ABCC9: variants seen among roughly 807,000 people sequenced by gnomAD.
The protein encoded by ABCC9 is ATP-binding cassette sub-family C member 9.
Under a neutral mutation model 188.3 loss-of-function variants are expected in ABCC9, and 95 were observed. The observed-to-expected ratio is 0.50, with a 90% CI of 0.43 to 0.60. The LOEUF is 0.60. ABCC9 is among the 20% of genes least tolerant of loss of function. ABCC9 has a pLI of 0.00. For missense variants in ABCC9, 1,102 were observed against 1,876.3 expected (o/e 0.59, Z 7.62); for synonymous variants, 659 against 652.7 (o/e 1.01, Z -0.15).
intron 33 of ABCC9, 90 bp from the exon 34 acceptor site, chr12:21,815,983 A>C: frequency 1.4e-6 from 1 of 707,882 alleles, no homozygotes; most frequent in Non-Finnish European, 2.0e-6. Context: ...ACATTTATAC[A>C]TATATATATA....
At chr12:21,887,777 T>C (rs771186155) in intron 15 of ABCC9, 49 bp downstream of exon 15, 4 of 1,172,018 alleles carry the variant, frequency 3.4e-6, no homozygotes, top group Non-Finnish European at 2.6e-6. Flanking sequence ...TCCATTCTGC[T>C]GAGACTGTCC....
intron 14 of ABCC9, among the ~76,000 whole-genome samples, chr12:21,890,027 G>T (rs1187552541): frequency 6.6e-6 from 1 of 152,108 alleles, no homozygotes; most frequent in Non-Finnish European, 1.5e-5. Context: ...TTCATCTTTA[G>T]AATCTATCCC....
chr12:21,929,765 T>C (rs568330275), intron 4 of ABCC9, among the ~76,000 whole-genome samples: 1 of 152,234 alleles, frequency 6.6e-6, no homozygotes, highest in South Asian at 2.1e-4. Flanking sequence ...TGTGTTATCA[T>C]TCCTCTTTCT....
At position 21,837,194 on chromosome 12, in the gene ABCC9, C is replaced by T. The variant is rs186477678; in HGVS notation, c.3566+884G>A. ...ATTCAATGCCAATAAATAATTTTGA[C>T]ATCTCCAATAAAAGGAATTGCACAT... On this transcript the variant is annotated intron_variant, in intron 30 of 39. Transcript: ENST00000261200. Among the ~76,000 whole-genome samples the T allele has an allele frequency of 3.4e-3, 511 of 152,202 alleles. 4 individuals are homozygous for T. The highest frequency in any genetic ancestry group is 0.012 in the African/African-American group (482 of 41,524).
At chr12:21,824,070 A>G (rs938404719) in intron 31 of ABCC9, among the ~76,000 whole-genome samples, 1 of 152,244 alleles carries the variant, frequency 6.6e-6, no homozygotes, top group Admixed American at 6.5e-5. Flanking sequence ...AGGAAAAATC[A>G]TGATTGTCTT....
chr12:21,920,101 A>G (rs1364445921), intron 5 of ABCC9, among the ~76,000 whole-genome samples: 1 of 152,050 alleles, frequency 6.6e-6, no homozygotes, highest in Non-Finnish European at 1.5e-5. Flanking sequence ...TAGGCAAATA[A>G]AGGTCTGCTA....
rs774065757 is a variant in ABCC9, at chr12:21,809,837, A to G, written c.4315+15T>C. The G allele has an allele frequency of 2.0e-6, 3 of 1,475,534 alleles. No homozygotes were observed. Among genetic ancestry groups the G allele is most frequent in the East Asian group, 2.3e-5 (1 of 44,166 alleles). The allele number at this position is 1,475,534 out of a possible 1,614,324, so 91.4% of individuals were successfully genotyped here. A position where few individuals can be genotyped will look rare whatever the true frequency, so the allele number is the denominator to read the frequency against. On this transcript the variant is annotated intron_variant, in intron 37 of 39. Coordinates refer to ENST00000261200, the MANE Select transcript of ABCC9 (RefSeq NM_020297.4). The stretch of plus-strand genomic sequence containing the variant: ...GGCATATATAAAAAATAAATATGCT[A>G]TTTAGGAAATATACCTAGACCTCCA...
intron 16 of ABCC9, among the ~76,000 whole-genome samples, chr12:21,881,698 C>G (rs557342400): frequency 4.5e-4 from 46 of 103,022 alleles, no homozygotes; most frequent in Admixed American, 2.0e-3. Context: ...TTATAATCGC[C>G]TAGGGAACAA....
chr12:21,856,030 A>G (rs1039954726), intron 22 of ABCC9, among the ~76,000 whole-genome samples: 1 of 152,196 alleles, frequency 6.6e-6, no homozygotes, highest in African/African-American at 2.4e-5. Context: ...TAGTAATAAC[A>G]ACAATAATGT....
At chr12:21,806,111 A>G (rs762381824) in intron 38 of ABCC9, 51 bp from the exon 39 acceptor site, 3 of 1,533,604 alleles carry the variant, frequency 2.0e-6, no homozygotes, top group East Asian at 4.5e-5. Context: ...TGTCATCATA[A>G]TATTTTGCCC....
chr12:21,923,652 A>G (rs953662551), intron 5 of ABCC9: 8 of 555,064 alleles, frequency 1.4e-5, no homozygotes, highest in Non-Finnish European at 1.9e-5. Context: ...TGGAACTGGA[A>G]CTCTTACACC....
chr12:21,863,196 T>C (rs144401867), intron 19 of ABCC9, 142 bp from the exon 20 acceptor site: 11 of 631,592 alleles, frequency 1.7e-5, no homozygotes, highest in Middle Eastern at 4.3e-4. Flanking sequence ...GAGAAAAATT[T>C]AAAGACCACC....
intron 38 of ABCC9, 111 bp from the exon 39 acceptor site, chr12:21,806,171 T>A: frequency 1.0e-6 from 1 of 961,200 alleles, no homozygotes; most frequent in Non-Finnish European, 1.6e-6. Context: ...TCTCAATCCC[T>A]CATTTTCTGT....
intron 14 of ABCC9, among the ~76,000 whole-genome samples, chr12:21,890,305 A>T (rs1469819871): frequency 1.3e-5 from 2 of 152,134 alleles, no homozygotes; most frequent in Non-Finnish European, 2.9e-5. Flanking sequence ...CATCTTTAGC[A>T]TCGTCTAAAA....
chr12:21,799,779 T>C lies in ABCC9; in HGVS notation c.*1265A>G, dbSNP rs1941344990. ...GATCTTCATATGAAAAAGAAATCAATGATATTGACACTGGATGGGCACAGA... is the reference window on the plus strand; with the variant it reads ...GATCTTCATATGAAAAAGAAATCAACGATATTGACACTGGATGGGCACAGA... On this transcript the variant is annotated 3_prime_UTR_variant, in exon 40 of 40. Coordinates refer to ENST00000261200, the MANE Select transcript of ABCC9 (RefSeq NM_020297.4). 6.6e-6 allele frequency: 1 copy of C among 152,156 alleles called. No individual in the cohort carries two copies. Among genetic ancestry groups the C allele is most frequent in the Non-Finnish European group, 1.5e-5 (1 of 68,028 alleles). 9.4% of individuals were successfully genotyped at this position (152,156 alleles called of 1,614,324 possible).
intron 12 of ABCC9, among the ~76,000 whole-genome samples, chr12:21,901,341 G>T (rs534672665): frequency 2.0e-5 from 3 of 152,150 alleles, no homozygotes; most frequent in South Asian, 4.2e-4. Context: ...TACCAGCCAC[G>T]GCAAAAACAT....
chr12:21,814,614 G>A, intron 35 of ABCC9, 30 bp downstream of exon 35: 1 of 1,570,830 alleles, frequency 6.4e-7, no homozygotes, highest in Non-Finnish European at 8.8e-7. Flanking sequence ...GCACCAAGTG[G>A]CCACTTAAAA....
At chr12:21,910,012 C>A (rs1948243237) in intron 10 of ABCC9, 145 bp downstream of exon 10, 2 of 777,248 alleles carry the variant, frequency 2.6e-6, no homozygotes, top group South Asian at 3.5e-5. Flanking sequence ...TATAACATTT[C>A]TGAGTCCCAG....
intron 30 of ABCC9, among the ~76,000 whole-genome samples, chr12:21,830,426 G>A (rs1208193883): frequency 6.6e-6 from 1 of 152,178 alleles, no homozygotes; most frequent in African/African-American, 2.4e-5. Context: ...CCATCTATGG[G>A]TTATGTTTGC....
Sources: gnomAD v4.1 joint callset for allele counts (sites outside exome capture counted in the v4.1 genomes callset) on GRCh38, gnomAD v4.1.1 for gene constraint, MANE v1.5 for transcripts, NCBI Gene and HGNC (gene_info 2026-07-23, HGNC 2026-07-21) for gene names.